TPRG1: variants seen among roughly 807,000 people sequenced by gnomAD.
TPRG1 encodes the protein tumor protein p63 regulated 1.
A neutral mutation model predicts 29.3 loss-of-function variants in TPRG1; 29 were observed. The ratio of observed to expected loss-of-function variants is 0.99; its 90% confidence interval spans 0.74 to 1.35. The LOEUF (loss-of-function observed/expected upper bound fraction) is 1.35, where lower values mean the gene tolerates loss of function less well. Among genes scored for constraint, TPRG1 ranks in the 40% most tolerant of loss-of-function variants. TPRG1 has a pLI of 0.00. For synonymous variants in TPRG1, 130 were observed against 116.8 expected (o/e 1.11, Z -0.73); for missense variants, 327 against 335.0 (o/e 0.98, Z 0.19).
chr3:189,039,514 G>A (rs1714495226), intron 4 of TPRG1, among the ~76,000 whole-genome samples: 1 of 152,224 alleles, frequency 6.6e-6, no homozygotes, highest in African/African-American at 2.4e-5. Flanking sequence ...AGGTTTCAGT[G>A]ATAGCTAAAC....
At chr3:189,120,988 A>T (rs778179019) in intron 1 of TPRG1, among the ~76,000 whole-genome samples, 8 of 152,350 alleles carry the variant, frequency 5.3e-5, no homozygotes, top group Non-Finnish European at 1.0e-4. Context: ...TGGGAAAGCT[A>T]AAGGTAAATT....
intron 1 of TPRG1, chr3:189,120,412 C>T (rs1378763096): frequency 6.6e-6 from 1 of 152,140 alleles, no homozygotes; most frequent in Non-Finnish European, 1.5e-5. Context: ...TTCAATTAAT[C>T]TAATGATAAT....
At chr3:189,106,680 T>A (rs1481649876) in intron 1 of TPRG1, among the ~76,000 whole-genome samples, 1 of 152,168 alleles carries the variant, frequency 6.6e-6, no homozygotes, top group East Asian at 1.9e-4. Flanking sequence ...ACATTTGTAA[T>A]AAATGTAATA....
intron 2 of TPRG1, among the ~76,000 whole-genome samples, chr3:189,128,432 A>T (rs1722738507): frequency 6.6e-6 from 1 of 152,192 alleles, no homozygotes; most frequent in East Asian, 1.9e-4. Flanking sequence ...TGTTTTAAGT[A>T]TGTCTCAACC....
chr3:189,256,041 T>A (rs1711810879), intron 4 of TPRG1, among the ~76,000 whole-genome samples: 1 of 152,210 alleles, frequency 6.6e-6, no homozygotes, highest in South Asian at 2.1e-4. Context: ...TAGTTATTTC[T>A]TGTCTTCTGC....
At chr3:189,023,311 T>A (rs1713472526) in intron 3 of TPRG1, among the ~76,000 whole-genome samples, 1 of 152,248 alleles carries the variant, frequency 6.6e-6, no homozygotes. Flanking sequence ...TGTGATTGCA[T>A]GGTGAAGTTC....
intron 4 of TPRG1, among the ~76,000 whole-genome samples, chr3:189,061,893 T>C (rs1363898985): frequency 1.3e-5 from 2 of 152,050 alleles, no homozygotes; most frequent in East Asian, 3.8e-4. Context: ...CCACAAAGAA[T>C]TAAAAACAGA....
intron 4 of TPRG1, among the ~76,000 whole-genome samples, chr3:189,071,568 G>A (rs143606577): frequency 3.6e-4 from 55 of 152,194 alleles, no homozygotes; most frequent in Middle Eastern, 3.4e-3. Context: ...ATTGAAAGAG[G>A]CAAGCACACA....
At chr3:189,230,992 G>T (rs1194780640) in intron 3 of TPRG1, among the ~76,000 whole-genome samples, 2 of 152,060 alleles carry the variant, frequency 1.3e-5, no homozygotes. Context: ...GTATCTAAAT[G>T]AATGTAGCAT....
intron 5 of TPRG1, among the ~76,000 whole-genome samples, chr3:189,318,941 A>AT (rs903287683): frequency 1.3e-5 from 2 of 152,218 alleles, no homozygotes; most frequent in African/African-American, 4.8e-5. Context: ...CAGCAATGTT[A>AT]TAAAGAGAGG....
At chr3:189,019,622 G>C (rs1276369244) in intron 3 of TPRG1, among the ~76,000 whole-genome samples, 3 of 152,158 alleles carry the variant, frequency 2.0e-5, no homozygotes, top group Non-Finnish European at 4.4e-5. Context: ...TGTGCTGCTG[G>C]ATTTGTTTTG....
intron 3 of TPRG1, among the ~76,000 whole-genome samples, chr3:189,023,183 G>A (rs542639700): frequency 4.6e-5 from 7 of 152,302 alleles, no homozygotes; most frequent in South Asian, 4.1e-4. Context: ...GAAATCACCC[G>A]TCTTCTGCGT....
At position 189,172,712 on chromosome 3, in the gene TPRG1, G is replaced by A. The variant is rs367700712; in HGVS notation, c.-10+581G>A. Among the ~76,000 whole-genome samples, 4 of 152,136 alleles carry A rather than the reference G, an allele frequency of 2.6e-5. No individual in the cohort carries two copies. The South Asian group carries it at 6.2e-4, about 24-fold the overall frequency. On this transcript the variant is annotated intron_variant, in intron 1 of 5. Coordinates refer to ENST00000345063, the MANE Select transcript of TPRG1 (RefSeq NM_198485.4). ...ATAATATATAGGTCCCATCAAACAGGGCTGTTTTTAGAGAACAAACGAGGG... is the reference window on the plus strand; with the variant it reads ...ATAATATATAGGTCCCATCAAACAGAGCTGTTTTTAGAGAACAAACGAGGG...
chr3:189,268,823 T>C (rs1181803069), intron 4 of TPRG1, among the ~76,000 whole-genome samples: 1 of 152,230 alleles, frequency 6.6e-6, no homozygotes, highest in African/African-American at 2.4e-5. Context: ...GAATCTTTTC[T>C]GGAACCTGAA....
chr3:189,290,765 C>G (rs1718858964), intron 4 of TPRG1, among the ~76,000 whole-genome samples: 1 of 152,096 alleles, frequency 6.6e-6, no homozygotes, highest in Non-Finnish European at 1.5e-5. Flanking sequence ...AGGCTGAGAC[C>G]CTCTCATAAT....
At chr3:189,066,418 A>G (rs1716452613) in intron 4 of TPRG1, among the ~76,000 whole-genome samples, 2 of 152,140 alleles carry the variant, frequency 1.3e-5, no homozygotes, top group South Asian at 4.1e-4. Flanking sequence ...GAAATTCTTA[A>G]TATAATACTA....
At chr3:189,248,962 A>G (rs1422815906) in intron 4 of TPRG1, among the ~76,000 whole-genome samples, 1 of 151,360 alleles carries the variant, frequency 6.6e-6, no homozygotes, top group African/African-American at 2.4e-5. Flanking sequence ...TGGAATTAGT[A>G]TATCATACAT....
At chr3:189,284,775 T>G (rs899964980) in intron 4 of TPRG1, among the ~76,000 whole-genome samples, 4 of 152,308 alleles carry the variant, frequency 2.6e-5, no homozygotes, top group South Asian at 2.1e-4. Flanking sequence ...TTACACCTTA[T>G]ACAAAAATTA....
At chr3:189,037,242 A>T (rs1714330444) in intron 4 of TPRG1, among the ~76,000 whole-genome samples, 1 of 151,808 alleles carries the variant, frequency 6.6e-6, no homozygotes, top group Non-Finnish European at 1.5e-5. Context: ...AAATTCTACG[A>T]AAATCATTAG....
Sources: gnomAD v4.1 joint callset for allele counts (sites outside exome capture counted in the v4.1 genomes callset) on GRCh38, gnomAD v4.1.1 for gene constraint, MANE v1.5 for transcripts, NCBI Gene and HGNC (gene_info 2026-07-23, HGNC 2026-07-21) for gene names.